Variants in HOXB4 observed in about 807,000 individuals in gnomAD.
HOXB4 encodes homeobox protein Hox-B4.
HOXB4 carries 13 observed loss-of-function variants against 20.0 expected under a neutral mutation model. The ratio of observed to expected loss-of-function variants is 0.65; its 90% CI spans 0.42 to 1.03. HOXB4 has a LOEUF of 1.03. Among genes scored for constraint, HOXB4 ranks in the 50% least tolerant of loss-of-function variants. The pLI, the probability that HOXB4 is intolerant of heterozygous loss-of-function variation, is 0.00. For synonymous variants in HOXB4, 173 were observed against 148.9 expected, an observed-to-expected ratio of 1.16 and a Z score of -1.18; for missense variants, 343 against 357.1, an observed-to-expected ratio of 0.96 and a Z score of 0.32.
Position 48,577,955 on chromosome 17 carries a change from CA to C in HOXB4, c.364del (p.Cys122AlafsTer29). ...AVSSSPPPPP[C>X]AQNPLHPSPS... ...GCTGGGGTGCAGGGGGTTCTGGGCG[CA>C]GGGAGGCGGCGGGGGGCTGCTGCTG... is the stretch of plus-strand genomic sequence containing the variant. On this transcript the variant is annotated frameshift_variant, in exon 1 of 2. Coordinates refer to ENST00000332503, the MANE Select transcript of HOXB4 (RefSeq NM_024015.5). LOFTEE classifies it high-confidence loss of function. 1 of 1,320,712 alleles carries C rather than the reference CA, an allele frequency of 7.6e-7. No individual in the cohort carries two copies. The highest frequency in any genetic ancestry group is 9.7e-7 in the Non-Finnish European group (1 of 1,029,482). 81.8% of individuals were successfully genotyped at this position (1,320,712 alleles called of 1,614,324 possible).
chr17:48,578,253 A>T lies in HOXB4; in HGVS notation c.67T>A (p.Tyr23Asn). The change falls in exon 1 of 2, where the codon TAT (tyrosine) becomes AAT (asparagine). Residue 23 changes from tyrosine (Y) to asparagine (N), a missense_variant. This residue lies in a region of HOXB4 where 241 missense variants were observed against 222.0 expected (regional missense o/e 1.09). Transcript: ENST00000332503. ...VDPKFPPCEE[Y>N]SQSDYLPSDH... ...CTGGGTAGGTAATCGCTCTGTGAATATTCCTCGCATGGAGGGAACTTGGGG... is the reference window on the plus strand; with the variant it reads ...CTGGGTAGGTAATCGCTCTGTGAATTTTCCTCGCATGGAGGGAACTTGGGG... 6.2e-7 allele frequency: 1 copy of T among 1,614,028 alleles called. No individual in the cohort carries two copies. Among genetic ancestry groups the T allele is most frequent in the Non-Finnish European group, 8.5e-7 (1 of 1,179,922 alleles).
In HOXB4 at chr17:48,576,798, T is replaced by C; in HGVS notation, c.680A>G (p.Lys227Arg). Residue 227 changes from lysine (K) to arginine (R), a missense_variant, in exon 2 of 2, where the codon AAG becomes AGG. Lys to Arg is a conservative substitution (Grantham distance 26). Coordinates refer to ENST00000332503, the MANE Select transcript of HOXB4 (RefSeq NM_024015.5). ...WKKDHKLPNT[K>R]IRSGGAAGSA... Reference sequence around the variant, plus strand: ...GCCTGCCGCACCACCCGAGCGGATCTTGGTGTTGGGCAACTTGTGGTCTTT... The same window carrying C: ...GCCTGCCGCACCACCCGAGCGGATCCTGGTGTTGGGCAACTTGTGGTCTTT... 1 of 1,614,222 alleles carries C rather than the reference T, an allele frequency of 6.2e-7. No individual in the cohort carries two copies. The highest frequency in any genetic ancestry group is 2.2e-5 in the East Asian group (1 of 44,884).
In HOXB4 at chr17:48,576,662, A is replaced by T. The variant is rs940017798; in HGVS notation, c.*60T>A. The T allele has an allele frequency of 1.6e-5, 2 of 126,082 alleles. No individual in the cohort carries two copies. The highest frequency in any genetic ancestry group is 1.2e-4 in the South Asian group (1 of 8,658). 7.8% of individuals were successfully genotyped at this position (126,082 alleles called of 1,614,324 possible). A position where few individuals can be genotyped will look rare whatever the true frequency, so the allele number is the denominator to read the frequency against. On this transcript the variant is annotated 3_prime_UTR_variant, in exon 2 of 2. Coordinates refer to ENST00000332503, the MANE Select transcript of HOXB4 (RefSeq NM_024015.5). The stretch of plus-strand genomic sequence containing the variant: ...GGGCCCCCTCCTGTCCCCCCACCCC[A>T]TCCCCTGCACTCACTGCCCACCCCC...
At position 48,577,951 on chromosome 17, in the gene HOXB4, G is replaced by T; in HGVS notation, c.369C>A (p.Ala123=). The T allele has an allele frequency of 7.6e-7, 1 of 1,322,346 alleles. No homozygotes were observed. The allele number at this position is 1,322,346 out of a possible 1,614,324, so 81.9% of individuals were successfully genotyped here. A position where few individuals can be genotyped will look rare whatever the true frequency, so the allele number is the denominator to read the frequency against. The change falls in exon 1 of 2, where the codon GCC becomes GCA. Residue 123 remains alanine (A), a synonymous_variant. Coordinates refer to ENST00000332503, the MANE Select transcript of HOXB4 (RefSeq NM_024015.5). Reference sequence around the variant, plus strand: ...ACGGGCTGGGGTGCAGGGGGTTCTGGGCGCAGGGAGGCGGCGGGGGGCTGC... The same window carrying T: ...ACGGGCTGGGGTGCAGGGGGTTCTGTGCGCAGGGAGGCGGCGGGGGGCTGC... The part of the protein sequence containing the change: ...VSSSPPPPPC[A]QNPLHPSPSH...
In HOXB4 at chr17:48,575,714, G is replaced by T. The variant is rs1422204613; in HGVS notation, c.*1008C>A. ...ATTATCAATAATAATAATAAACGATGCAACATAATAAACTATGGGAGAGGG... is the reference window on the plus strand; with the variant it reads ...ATTATCAATAATAATAATAAACGATTCAACATAATAAACTATGGGAGAGGG... On this transcript the variant is annotated 3_prime_UTR_variant, in exon 2 of 2. Transcript: ENST00000332503. The T allele has an allele frequency of 1.4e-5, 2 of 145,518 alleles. No homozygotes were observed. The highest frequency in any genetic ancestry group is 5.5e-5 in the African/African-American group (2 of 36,052). The allele number at this position is 145,518 out of a possible 1,614,324, so 9.0% of individuals were successfully genotyped here. A position where few individuals can be genotyped will look rare whatever the true frequency, so the allele number is the denominator to read the frequency against.
chr17:48,576,715 G>T lies in HOXB4; in HGVS notation c.*7C>A, dbSNP rs749183012. The T allele has an allele frequency of 5.7e-6, 9 of 1,565,254 alleles. No homozygotes were observed. The highest frequency in any genetic ancestry group is 7.8e-6 in the Non-Finnish European group (9 of 1,151,408). On this transcript the variant is annotated 3_prime_UTR_variant, in exon 2 of 2. Coordinates refer to ENST00000332503, the MANE Select transcript of HOXB4 (RefSeq NM_024015.5). ...CCCGAGGTTCGTGGCTCCCGCGTGC[G>T]GGGGCACTAGAGCGCGCGGGGGCCT...
chr17:48,576,663 T>TCCCCCCCCCCC lies in HOXB4; in HGVS notation c.*58_*59insGGGGGGGGGGG. The TCCCCCCCCCCC allele has an allele frequency of 6.0e-6, 1 of 167,398 alleles. No individual in the cohort carries two copies. The highest frequency in any genetic ancestry group is 1.0e-5 in the Non-Finnish European group (1 of 98,378). The allele number at this position is 167,398 out of a possible 1,614,324, so 10.4% of individuals were successfully genotyped here. A position where few individuals can be genotyped will look rare whatever the true frequency, so the allele number is the denominator to read the frequency against. On this transcript the variant is annotated 3_prime_UTR_variant, in exon 2 of 2. Transcript: ENST00000332503. ...GGCCCCCTCCTGTCCCCCCACCCCA[T>TCCCCCCCCCCC]CCCCTGCACTCACTGCCCACCCCCA... is the stretch of plus-strand genomic sequence containing the variant.
intron 1 of HOXB4, 82 bp downstream of exon 1, chr17:48,577,781 C>A (rs2069812883): frequency 1.1e-6 from 1 of 928,032 alleles, no homozygotes; most frequent in Non-Finnish European, 1.4e-6. Flanking sequence ...CCCAGCTCAA[C>A]CCCCCCCCAA....
rs1408525482 is a variant in HOXB4 at position 48,576,732 on chromosome 17, C to T, written c.746G>A (p.Arg249His). 11 of 1,607,108 alleles carry T rather than the reference C, an allele frequency of 6.8e-6. No individual in the cohort carries two copies. The highest frequency in any genetic ancestry group is 2.2e-5 in the South Asian group (2 of 90,614). The change falls in exon 2 of 2, where the codon CGC (arginine) becomes CAC (histidine). Residue 249 changes from arginine to histidine, a missense_variant. Physicochemically the swap from Arg to His is conservative, Grantham distance 29. Around this residue, in one of 3 missense-constraint regions of HOXB4, gnomAD observed 48 missense variants for 44.8 expected, o/e 1.07. Coordinates refer to ENST00000332503, the MANE Select transcript of HOXB4 (RefSeq NM_024015.5). ...GPPGRPNGGP[R>H]AL ...CCGCGTGCGGGGGCACTAGAGCGCG[C>T]GGGGGCCTCCATTGGGCCGGCCAGG...
chr17:48,577,751 T>C, intron 1 of HOXB4, 112 bp downstream of exon 1: 1 of 961,984 alleles, frequency 1.0e-6, no homozygotes. Flanking sequence ...GGCGAGTTTA[T>C]AGCGGGGACA....
Position 48,576,451 on chromosome 17 carries a change from C to T in HOXB4, c.*271G>A. The T allele has an allele frequency of 2.7e-6, 1 of 371,396 alleles. No homozygotes were observed. The highest frequency in any genetic ancestry group is 4.8e-6 in the Non-Finnish European group (1 of 208,964). The allele number at this position is 371,396 out of a possible 1,614,324, so 23.0% of individuals were successfully genotyped here. ...TCTGTCTTTTTCTTTCTTCCTTCTT[C>T]TTGCTTTTTCTTTTTCTTTTTTTTA... On this transcript the variant is annotated 3_prime_UTR_variant, in exon 2 of 2. Transcript: ENST00000332503.
Position 48,578,127 on chromosome 17 carries a change from AGCGCTGCACGGTGCACGCCGC to A in HOXB4, c.172_192del (p.Ala58_Arg64del). On this transcript the variant is annotated inframe_deletion, in exon 1 of 2. Coordinates refer to ENST00000332503, the MANE Select transcript of HOXB4 (RefSeq NM_024015.5). ...GGCCCAGGGTCCCGGCAGGCCGCGT[AGCGCTGCACGGTGCACGCCGC>A]GCGCCGCCCGAAGCCCGCCTCCGGC... The A allele has an allele frequency of 6.9e-7, 1 of 1,443,038 alleles. No homozygotes were observed. The highest frequency in any genetic ancestry group is 9.2e-7 in the Non-Finnish European group (1 of 1,084,640). 89.4% of individuals were successfully genotyped at this position (1,443,038 alleles called of 1,614,324 possible).
At position 48,577,949 on chromosome 17, in the gene HOXB4, T is replaced by C; in HGVS notation, c.371A>G (p.Gln124Arg). ...GGACGGGCTGGGGTGCAGGGGGTTC[T>C]GGGCGCAGGGAGGCGGCGGGGGGCT... ...SSSPPPPPCA[Q>R]NPLHPSPSHS... Residue 124 changes from glutamine (Q) to arginine (R), a missense_variant, in exon 1 of 2, where the codon CAG becomes CGG. Gln to Arg is a conservative substitution (Grantham distance 43). This residue lies in a region of HOXB4 where 241 missense variants were observed against 222.0 expected (regional missense o/e 1.09). Coordinates refer to ENST00000332503, the MANE Select transcript of HOXB4 (RefSeq NM_024015.5). 4 of 1,324,984 alleles carry C rather than the reference T, an allele frequency of 3.0e-6. No homozygotes were observed. Among genetic ancestry groups the C allele is most frequent in the Non-Finnish European group, 3.9e-6 (4 of 1,031,414 alleles). The allele number at this position is 1,324,984 out of a possible 1,614,324, so 82.1% of individuals were successfully genotyped here. A position where few individuals can be genotyped will look rare whatever the true frequency, so the allele number is the denominator to read the frequency against.
intron 1 of HOXB4, 35 bp downstream of exon 1, chr17:48,577,828 G>A: frequency 7.2e-7 from 1 of 1,383,670 alleles, no homozygotes; most frequent in South Asian, 2.0e-5. Flanking sequence ...TAAAGCTCCA[G>A]GGGTGGGAGG....
chr17:48,576,842 G>T lies in HOXB4; in HGVS notation c.636C>A (p.Asn212Lys). 1 of 1,614,260 alleles carries T rather than the reference G, an allele frequency of 6.2e-7. No homozygotes were observed. Among genetic ancestry groups the T allele is most frequent in the Non-Finnish European group, 8.5e-7 (1 of 1,180,044 alleles). The change falls in exon 2 of 2, where the codon AAC becomes AAA. Residue 212 changes from asparagine (N) to lysine (K), a missense_variant. By Grantham distance (94) the Asn-to-Lys change is moderately conservative (BLOSUM62 0). This residue lies in a region of HOXB4 where 54 missense variants were observed against 90.3 expected (regional missense o/e 0.60). Coordinates refer to ENST00000332503, the MANE Select transcript of HOXB4 (RefSeq NM_024015.5). ...SERQIKIWFQ[N>K]RRMKWKKDHK... ...GGTCTTTTTTCCACTTCATGCGCCG[G>T]TTCTGGAACCAGATCTTGATCTGGC...
chr17:48,577,548 C>T (rs919705314), intron 1 of HOXB4, among the ~76,000 whole-genome samples: 3 of 152,200 alleles, frequency 2.0e-5, no homozygotes, highest in Admixed American at 6.5e-5. Context: ...CCTTCTCCTC[C>T]TCCACCTCCT....
Position 48,576,619 on chromosome 17 carries a change from T to C in HOXB4, c.*103A>G. Reference sequence around the variant, plus strand: ...GTGTGGGGGAGGGCAGATAGATTTTTCCGGGGCCCAGGCCCCAGGGCCCCC... The same window carrying C: ...GTGTGGGGGAGGGCAGATAGATTTTCCCGGGGCCCAGGCCCCAGGGCCCCC... On this transcript the variant is annotated 3_prime_UTR_variant, in exon 2 of 2. Coordinates refer to ENST00000332503, the MANE Select transcript of HOXB4 (RefSeq NM_024015.5). 9.3e-7 allele frequency: 1 copy of C among 1,072,050 alleles called. No individual in the cohort carries two copies. Among genetic ancestry groups the C allele is most frequent in the Non-Finnish European group, 1.3e-6 (1 of 769,800 alleles). The allele number at this position is 1,072,050 out of a possible 1,614,324, so 66.4% of individuals were successfully genotyped here. A position where few individuals can be genotyped will look rare whatever the true frequency, so the allele number is the denominator to read the frequency against.
In HOXB4 at chr17:48,576,068, C is replaced by G. The variant is rs2069747953; in HGVS notation, c.*654G>C. 1 of 152,536 alleles carries G rather than the reference C, an allele frequency of 6.6e-6. No homozygotes were observed. Among genetic ancestry groups the G allele is most frequent in the Admixed American group, 6.5e-5 (1 of 15,286 alleles). The allele number at this position is 152,536 out of a possible 1,614,324, so 9.4% of individuals were successfully genotyped here. A position where few individuals can be genotyped will look rare whatever the true frequency, so the allele number is the denominator to read the frequency against. The stretch of plus-strand genomic sequence containing the variant: ...CCCACGGTGGAAGTGGGTGAGCAGT[C>G]ATTCTGGCCCTCAGTGAATGGGCAC... On this transcript the variant is annotated 3_prime_UTR_variant, in exon 2 of 2. Coordinates refer to ENST00000332503, the MANE Select transcript of HOXB4 (RefSeq NM_024015.5).
At position 48,576,650 on chromosome 17, in the gene HOXB4, T is replaced by TTCCCCCCCCCCCCCCCCCCC; in HGVS notation, c.*71_*72insGGGGGGGGGGGGGGGGGGGA. The TTCCCCCCCCCCCCCCCCCCC allele has an allele frequency of 1.8e-6, 1 of 567,770 alleles. No homozygotes were observed. Among genetic ancestry groups the TTCCCCCCCCCCCCCCCCCCC allele is most frequent in the Non-Finnish European group, 2.6e-6 (1 of 383,214 alleles). The allele number at this position is 567,770 out of a possible 1,614,324, so 35.2% of individuals were successfully genotyped here. On this transcript the variant is annotated 3_prime_UTR_variant, in exon 2 of 2. Coordinates refer to ENST00000332503, the MANE Select transcript of HOXB4 (RefSeq NM_024015.5). ...GCCCAGGCCCCAGGGCCCCCTCCTG[T>TTCCCCCCCCCCCCCCCCCCC]CCCCCCACCCCATCCCCTGCACTCA...
Sources: gnomAD v4.1 joint callset for allele counts (sites outside exome capture counted in the v4.1 genomes callset) on GRCh38, gnomAD v4.1.1 for gene constraint, gnomAD v4.1.1 regional missense constraint, MANE v1.5 for transcripts, NCBI Gene and HGNC (gene_info 2026-07-23, HGNC 2026-07-21) for gene names.